The following SYCP2 variants were observed in gnomAD, a reference collection of about 807,000 sequenced individuals.
SYCP2 encodes the protein synaptonemal complex protein 2.
Under a neutral mutation model 211.3 loss-of-function variants are expected in SYCP2, and 55 were observed. The ratio of observed to expected loss-of-function variants is 0.26; its 90% CI spans 0.21 to 0.33. SYCP2 has a LOEUF of 0.33. Ranked by LOEUF, SYCP2 falls within the 10% of genes least tolerant of loss-of-function variation. SYCP2 has a pLI of 1.00. For missense variants in SYCP2, 1,731 were observed against 1,752.0 expected (o/e 0.99, Z 0.21); for synonymous variants, 570 against 555.2 (o/e 1.03, Z -0.37).
rs1382120605 is a variant in SYCP2 at position 59,933,587 on chromosome 20, G to C, written c.-158C>G. On this transcript the variant is annotated 5_prime_UTR_variant, in exon 1 of 45. Coordinates refer to ENST00000357552, the MANE Select transcript of SYCP2 (RefSeq NM_014258.4). ...AACCTGCCTGCGGCAGGAGGCGTCCGCGTAGTGTCGGTGGAGCCGCCCCCT... is the reference window on the plus strand; with the variant it reads ...AACCTGCCTGCGGCAGGAGGCGTCCCCGTAGTGTCGGTGGAGCCGCCCCCT... 1.3e-5 allele frequency: 2 copies of C among 152,294 alleles called. No homozygotes were observed. Among genetic ancestry groups the C allele is most frequent in the African/African-American group, 4.8e-5 (2 of 41,562 alleles). 9.4% of individuals were successfully genotyped at this position (152,294 alleles called of 1,614,324 possible).
rs751046411 is a variant in SYCP2 at position 59,888,688 on chromosome 20, A to T, written c.2365-1854T>A. 4.3e-4 allele frequency among the ~76,000 whole-genome samples: 66 copies of T among 152,064 alleles called. 1 individual carries two copies. The highest frequency in any genetic ancestry group is 1.5e-4 in the Non-Finnish European group (10 of 67,962). On this transcript the variant is annotated intron_variant, in intron 24 of 44. Coordinates refer to ENST00000357552, the MANE Select transcript of SYCP2 (RefSeq NM_014258.4). ...GAAAAAGGAAATAACAGGTATATTG[A>T]TTGGGAAAGAAGAAATAAAACTCTT... is the stretch of plus-strand genomic sequence containing the variant.
At chr20:59,928,266 AT>A (rs994538081) in intron 2 of SYCP2, among the ~76,000 whole-genome samples, 16 of 152,188 alleles carry the variant, frequency 1.1e-4, no homozygotes, top group African/African-American at 3.9e-4. Flanking sequence ...AGACAATTGC[AT>A]TTTTTAATAT....
At chr20:59,910,538 G>A (rs991515568) in intron 14 of SYCP2, among the ~76,000 whole-genome samples, 4 of 151,146 alleles carry the variant, frequency 2.6e-5, no homozygotes, top group African/African-American at 4.9e-5. Flanking sequence ...CTGCCACCAC[G>A]CCCAGCTTAT....
At chr20:59,910,663 T>C (rs1222182973) in intron 14 of SYCP2, among the ~76,000 whole-genome samples, 4 of 151,962 alleles carry the variant, frequency 2.6e-5, no homozygotes, top group African/African-American at 9.7e-5. Flanking sequence ...ATTTCCTTTA[T>C]AGTAGTTACT....
intron 4 of SYCP2, among the ~76,000 whole-genome samples, chr20:59,920,713 T>C (rs748594170): frequency 3.3e-5 from 5 of 151,638 alleles, no homozygotes; most frequent in Non-Finnish European, 5.9e-5. Context: ...GAAATCTGTA[T>C]AAATCCAAGA....
rs2059322088 is a variant in SYCP2, at chr20:59,865,870, A to T, written c.4321-5T>A. On this transcript the variant is annotated splice_polypyrimidine_tract_variant and splice_region_variant and intron_variant, in intron 41 of 44. Coordinates refer to ENST00000357552, the MANE Select transcript of SYCP2 (RefSeq NM_014258.4). ...AAATATCTTTTCCCAAAAGTCCTAAATTAATTAATAAAATTTTATTTAGTC... is the reference window on the plus strand; with the variant it reads ...AAATATCTTTTCCCAAAAGTCCTAATTTAATTAATAAAATTTTATTTAGTC... 7.7e-7 allele frequency: 1 copy of T among 1,302,942 alleles called. No homozygotes were observed. The highest frequency in any genetic ancestry group is 1.0e-6 in the Non-Finnish European group (1 of 970,244). The allele number at this position is 1,302,942 out of a possible 1,614,324, so 80.7% of individuals were successfully genotyped here. A position where few individuals can be genotyped will look rare whatever the true frequency, so the allele number is the denominator to read the frequency against.
At chr20:59,886,483 A>G (rs2059791261) in intron 25 of SYCP2, among the ~76,000 whole-genome samples, 1 of 152,008 alleles carries the variant, frequency 6.6e-6, no homozygotes, top group African/African-American at 2.4e-5. Context: ...GTGTTTTTTG[A>G]TCCTATATAA....
chr20:59,931,401 AATC>A (rs1419278759), intron 2 of SYCP2, among the ~76,000 whole-genome samples: 16 of 152,226 alleles, frequency 1.1e-4, no homozygotes, highest in African/African-American at 3.6e-4. Context: ...TCTCAATAAT[AATC>A]ATCATAGCCA....
chr20:59,925,616 C>A (rs1415988391), intron 2 of SYCP2, among the ~76,000 whole-genome samples: 1 of 151,982 alleles, frequency 6.6e-6, no homozygotes, highest in African/African-American at 2.4e-5. Flanking sequence ...AATGTCATAG[C>A]CTCTGACCTT....
At chr20:59,864,420 AT>A (rs763529327) in intron 44 of SYCP2, 32 bp from the exon 45 acceptor site, 46 of 1,454,274 alleles carry the variant, frequency 3.2e-5, no homozygotes, top group Non-Finnish European at 4.2e-5. Flanking sequence ...TCACACTTAG[AT>A]TTCACATTTT....
At position 59,900,729 on chromosome 20, in the gene SYCP2, A is replaced by C. The variant is rs761704533; in HGVS notation, c.1257+15T>G. On this transcript the variant is annotated intron_variant, in intron 17 of 44. Transcript: ENST00000357552. ...CTTAGCCCAGTGATAAAAATCAAGT[A>C]AGTCTGAGACATACCTGTGATCCAC... 6.2e-7 allele frequency: 1 copy of C among 1,607,620 alleles called. No individual in the cohort carries two copies. The highest frequency in any genetic ancestry group is 8.5e-7 in the Non-Finnish European group (1 of 1,175,334).
chr20:59,875,351 T>C lies in SYCP2; in HGVS notation c.3269A>G (p.Lys1090Arg), dbSNP rs748806958. 2.7e-5 allele frequency: 44 copies of C among 1,611,886 alleles called. No homozygotes were observed. Among genetic ancestry groups the C allele is most frequent in the Non-Finnish European group, 3.7e-5 (44 of 1,178,624 alleles). ...AAGGCAATTATCTCGTATAGCATCTTTTAGTAGAGATGAGTTTTTCCATTG... is the reference window on the plus strand; with the variant it reads ...AAGGCAATTATCTCGTATAGCATCTCTTAGTAGAGATGAGTTTTTCCATTG... ...SKQWKNSSLL[K>R]DAIRDNCLDL... Residue 1090 changes from lysine (K) to arginine (R), a missense_variant, in exon 34 of 45, where the codon AAA (lysine) becomes AGA (arginine). Coordinates refer to ENST00000357552, the MANE Select transcript of SYCP2 (RefSeq NM_014258.4).
Position 59,893,507 on chromosome 20 carries a change from A to T in SYCP2, c.1735+17T>A. The T allele has an allele frequency of 6.4e-7, 1 of 1,552,944 alleles. No individual in the cohort carries two copies. Among genetic ancestry groups the T allele is most frequent in the Non-Finnish European group, 8.9e-7 (1 of 1,129,522 alleles). ...TTTTCTTAAAAAAATGACTAAATTA[A>T]ACCACAAGGTACTTACTAAAATTTT... is the stretch of plus-strand genomic sequence containing the variant. On this transcript the variant is annotated intron_variant, in intron 21 of 44. Transcript: ENST00000357552.
At position 59,892,640 on chromosome 20, in the gene SYCP2, T is replaced by C. The variant is rs2059929073; in HGVS notation, c.1855A>G (p.Thr619Ala). The change falls in exon 23 of 45, where the codon ACA becomes GCA. Residue 619 changes from threonine to alanine, a missense_variant. By Grantham distance (58) the Thr-to-Ala change is moderately conservative. This residue lies in a region of SYCP2 where 1,387 missense variants were observed against 1,351.3 expected (regional missense o/e 1.03). Coordinates refer to ENST00000357552, the MANE Select transcript of SYCP2 (RefSeq NM_014258.4). ...NKIHSKWACW[T>A]PVTNIELCNN... ...CATAGTTCAATGTTTGTTACAGGTGTCCAACATGCCCATTTGCTGTGTATT... is the reference window on the plus strand; with the variant it reads ...CATAGTTCAATGTTTGTTACAGGTGCCCAACATGCCCATTTGCTGTGTATT... The C allele has an allele frequency of 6.2e-7, 1 of 1,610,644 alleles. No individual in the cohort carries two copies. The highest frequency in any genetic ancestry group is 1.1e-5 in the South Asian group (1 of 90,738).
At chr20:59,915,231 A>C in intron 9 of SYCP2, 32 bp from the exon 10 acceptor site, 1 of 1,468,244 alleles carries the variant, frequency 6.8e-7, no homozygotes, top group Non-Finnish European at 9.4e-7. Context: ...TACAAAATAG[A>C]CCAGTATCAA....
At chr20:59,929,528 TGTG>T (rs2060694816) in intron 2 of SYCP2, among the ~76,000 whole-genome samples, 1 of 152,096 alleles carries the variant, frequency 6.6e-6, no homozygotes, top group South Asian at 2.1e-4. Flanking sequence ...AAACATGAAA[TGTG>T]GTGAGTGATG....
At chr20:59,893,002 C>A (rs892945892) in intron 22 of SYCP2, 140 bp downstream of exon 22, 5 of 658,118 alleles carry the variant, frequency 7.6e-6, no homozygotes, top group African/African-American at 1.9e-5. Flanking sequence ...ATACATAATT[C>A]CCCATTGTGC....
In SYCP2 at chr20:59,876,928, ATATT is replaced by A. The variant is rs535329002; in HGVS notation, c.3150+453_3150+456del. Among the ~76,000 whole-genome samples the A allele has an allele frequency of 3.7e-4, 56 of 152,294 alleles. No individual in the cohort carries two copies. In the South Asian group the frequency reaches 0.011, roughly 30 times the overall value. Reference sequence around the variant, plus strand: ...GGTAGACTGCCAGACAAATAAATAAATATTTAACTTTGCTTTCAAAAACAGGTGA... The same window carrying A: ...GGTAGACTGCCAGACAAATAAATAAATAACTTTGCTTTCAAAAACAGGTGA... On this transcript the variant is annotated intron_variant, in intron 33 of 44. Transcript: ENST00000357552.
At position 59,901,791 on chromosome 20, in the gene SYCP2, T is replaced by C; in HGVS notation, c.1053A>G (p.Leu351=). 6.3e-7 allele frequency: 1 copy of C among 1,597,764 alleles called. No individual in the cohort carries two copies. Among genetic ancestry groups the C allele is most frequent in the Non-Finnish European group, 8.5e-7 (1 of 1,173,206 alleles). ...CTGTATTTTTCAGAATTATTGTCAGTAGCTTCTTTGATTCTCTCACTGTAT... is the reference window on the plus strand; with the variant it reads ...CTGTATTTTTCAGAATTATTGTCAGCAGCTTCTTTGATTCTCTCACTGTAT... ...YSIEVRESKK[L]LTIILKNTVK... is the part of the protein sequence containing the mutation. Residue 351 remains leucine, a synonymous_variant, in exon 16 of 45, where the codon CTA becomes CTG. Transcript: ENST00000357552.
Sources: allele counts gnomAD v4.1 joint callset (sites outside exome capture counted in the v4.1 genomes callset), GRCh38; gene constraint gnomAD v4.1.1; regional missense constraint gnomAD v4.1.1; transcripts MANE v1.5; gene names NCBI Gene and HGNC (gene_info 2026-07-23, HGNC 2026-07-21).